SCAF8: variants seen among roughly 807,000 people sequenced by gnomAD.
SCAF8 encodes SR-related CTD associated factor 8.
Under a neutral mutation model 140.5 loss-of-function variants are expected in SCAF8, and 23 were observed. The observed-to-expected ratio is 0.16, with a 90% CI of 0.12 to 0.23. The LOEUF is 0.23. Among genes scored for constraint, SCAF8 ranks in the 10% least tolerant of loss-of-function variants. The pLI, the probability that SCAF8 is intolerant of heterozygous loss-of-function variation, is 1.00. For missense variants in SCAF8, 1,397 were observed against 1,555.7 expected, an observed-to-expected ratio of 0.90 and a Z score of 1.72; for synonymous variants, 575 against 528.9, an observed-to-expected ratio of 1.09 and a Z score of -1.20.
intron 10 of SCAF8, 59 bp from the exon 11 acceptor site, chr6:154,808,627 A>G (rs772620429): frequency 4.9e-5 from 52 of 1,060,098 alleles, no homozygotes; most frequent in Non-Finnish European, 6.1e-5. Flanking sequence ...AGAATTGTCA[A>G]TGTATAACTC....
At chr6:154,744,119 C>T (rs1328293983) in intron 1 of SCAF8, among the ~76,000 whole-genome samples, 2 of 152,120 alleles carry the variant, frequency 1.3e-5, no homozygotes, top group African/African-American at 4.8e-5. Flanking sequence ...ATGTTGAAAC[C>T]CTGTCTCTAC....
intron 3 of SCAF8, among the ~76,000 whole-genome samples, chr6:154,778,931 T>C (rs1458083857): frequency 2.6e-5 from 4 of 152,200 alleles, no homozygotes; most frequent in Non-Finnish European, 5.9e-5. Context: ...TAGAAAATTT[T>C]ATTTGGTCTA....
chr6:154,792,617 T>C (rs1777456437), intron 4 of SCAF8, among the ~76,000 whole-genome samples: 1 of 152,202 alleles, frequency 6.6e-6, no homozygotes, highest in South Asian at 2.1e-4. Flanking sequence ...ATTTACTTTG[T>C]ACCTCTATCC....
intron 5 of SCAF8, among the ~76,000 whole-genome samples, chr6:154,793,475 A>G (rs1213595668): frequency 6.6e-6 from 1 of 151,744 alleles, no homozygotes; most frequent in African/African-American, 2.4e-5. Flanking sequence ...TAATTTTTTC[A>G]TAATTTTTTA....
intron 3 of SCAF8, among the ~76,000 whole-genome samples, chr6:154,779,645 A>C (rs1777024423): frequency 6.6e-6 from 1 of 152,202 alleles, no homozygotes; most frequent in African/African-American, 2.4e-5. Flanking sequence ...TCGTGAGATA[A>C]TTACAGTCAA....
chr6:154,804,397 A>G (rs1340054018), intron 8 of SCAF8, among the ~76,000 whole-genome samples: 6 of 152,230 alleles, frequency 3.9e-5, no homozygotes, highest in Admixed American at 3.9e-4. Flanking sequence ...CAGCATTTGA[A>G]ATCATGTTGA....
At position 154,778,769 on chromosome 6, in the gene SCAF8, A is replaced by ATTG. The variant is rs371478614; in HGVS notation, c.159+725_159+726insTGT. Among the ~76,000 whole-genome samples the ATTG allele has an allele frequency of 8.4e-5, 12 of 142,162 alleles. No homozygotes were observed. The South Asian group carries it at 1.4e-3, about 17-fold the overall frequency. The allele number at this position is 142,162 out of a possible 152,430, so 93.3% of individuals were successfully genotyped here. On this transcript the variant is annotated intron_variant, in intron 3 of 19. Transcript: ENST00000367178. ...ACAGAGTGAGACCCTGTCTCAAAAAATGTGTGTGTGTGTGTGTGTGTGTGT... is the reference window on the plus strand; with the variant it reads ...ACAGAGTGAGACCCTGTCTCAAAAAATTGTGTGTGTGTGTGTGTGTGTGTGTGT...
At chr6:154,765,089 G>A (rs1446114160) in intron 1 of SCAF8, among the ~76,000 whole-genome samples, 2 of 152,122 alleles carry the variant, frequency 1.3e-5, no homozygotes, top group Non-Finnish European at 2.9e-5. Context: ...ATTATTTAAG[G>A]AAGTTTATTA....
intron 4 of SCAF8, 114 bp from the exon 5 acceptor site, chr6:154,792,709 A>G (rs865879125): frequency 3.1e-6 from 2 of 654,088 alleles, no homozygotes; most frequent in East Asian, 6.1e-5. Context: ...AGAAAGTACC[A>G]TTGAAGTATT....
chr6:154,815,245 C>T (rs551122276), intron 12 of SCAF8, among the ~76,000 whole-genome samples: 41 of 152,106 alleles, frequency 2.7e-4, no homozygotes, highest in South Asian at 6.2e-4. Context: ...TGCAGTGAGC[C>T]GAGATTGTGC....
intron 17 of SCAF8, among the ~76,000 whole-genome samples, chr6:154,826,110 G>C (rs571077093): frequency 1.9e-4 from 29 of 152,196 alleles, no homozygotes; most frequent in African/African-American, 6.7e-4. Flanking sequence ...GTAATTTATA[G>C]GTCATGTAAG....
chr6:154,748,165 C>T (rs1210576138), intron 1 of SCAF8, among the ~76,000 whole-genome samples: 1 of 152,064 alleles, frequency 6.6e-6, no homozygotes, highest in Non-Finnish European at 1.5e-5. Context: ...CAATGTGTTA[C>T]TGCACTCGCT....
At chr6:154,808,869 A>G in intron 11 of SCAF8, 71 bp downstream of exon 11, 2 of 980,018 alleles carry the variant, frequency 2.0e-6, no homozygotes, top group Non-Finnish European at 1.6e-6. Context: ...TTGCATCAGG[A>G]TGAAAGGAAA....
At chr6:154,768,921 A>T (rs1776657677) in intron 1 of SCAF8, among the ~76,000 whole-genome samples, 1 of 152,062 alleles carries the variant, frequency 6.6e-6, no homozygotes, top group Admixed American at 6.5e-5. Context: ...AAATTAGCCC[A>T]GTGTGGTGGT....
chr6:154,744,573 A>C (rs1349649107), intron 1 of SCAF8, among the ~76,000 whole-genome samples: 1 of 152,058 alleles, frequency 6.6e-6, no homozygotes, highest in Non-Finnish European at 1.5e-5. Flanking sequence ...AACAGTTGTG[A>C]TTTTTCCAAG....
intron 16 of SCAF8, among the ~76,000 whole-genome samples, chr6:154,823,927 T>C (rs1778491399): frequency 6.6e-6 from 1 of 152,196 alleles, no homozygotes; most frequent in Admixed American, 6.5e-5. Flanking sequence ...TAACAGGTAT[T>C]ACTGAGTGGG....
intron 3 of SCAF8, among the ~76,000 whole-genome samples, chr6:154,783,392 A>C (rs978560327): frequency 6.6e-6 from 1 of 152,232 alleles, no homozygotes; most frequent in Non-Finnish European, 1.5e-5. Context: ...CGGTGAGGTC[A>C]GGAATAAATT....
chr6:154,830,885 A>C, intron 18 of SCAF8, 37 bp from the exon 19 acceptor site: 2 of 1,535,164 alleles, frequency 1.3e-6, no homozygotes, highest in Non-Finnish European at 9.0e-7. Flanking sequence ...GAATTGACTC[A>C]TTAAATCTGA....
intron 13 of SCAF8, among the ~76,000 whole-genome samples, chr6:154,816,677 T>C (rs992579752): frequency 6.6e-6 from 1 of 152,196 alleles, no homozygotes; most frequent in Non-Finnish European, 1.5e-5. Flanking sequence ...TTTATGTCTG[T>C]GGGATCTTTT....
Sources: allele counts gnomAD v4.1 joint callset (sites outside exome capture counted in the v4.1 genomes callset), GRCh38; gene constraint gnomAD v4.1.1; transcripts MANE v1.5; gene names NCBI Gene and HGNC (gene_info 2026-07-23, HGNC 2026-07-21).